The following PLS3 variants were observed in gnomAD, a reference collection of about 807,000 sequenced individuals.
PLS3 encodes the protein plastin-3.
A neutral mutation model predicts 46.5 loss-of-function variants in PLS3; 11 were observed. That is an observed-to-expected ratio of 0.24 (90% CI 0.15 to 0.39). PLS3 has a LOEUF of 0.39. Among genes scored for constraint, PLS3 ranks in the 10% least tolerant of loss-of-function variants. PLS3 has a pLI of 1.00. For missense variants in PLS3, 308 were observed against 461.8 expected (o/e 0.67, Z 3.05); for synonymous variants, 167 against 162.2 (o/e 1.03, Z -0.22).
chrX:115,581,956 C>A (rs925846295), intron 1 of PLS3, among the ~76,000 whole-genome samples: 2 of 111,947 alleles, frequency 1.8e-5, no homozygotes, highest in African/African-American at 6.5e-5. Flanking sequence ...TGATGTGTTA[C>A]TTCCCACTTA....
At chrX:115,576,222 C>G (rs1387820287) in intron 1 of PLS3, among the ~76,000 whole-genome samples, 8 of 111,638 alleles carry the variant, frequency 7.2e-5, no homozygotes, top group African/African-American at 2.6e-4. Context: ...GAGTCTTTAT[C>G]TTTTGACCTT....
At chrX:115,567,905 A>G (rs1556630313) in intron 1 of PLS3, among the ~76,000 whole-genome samples, 1 of 110,638 alleles carries the variant, frequency 9.0e-6, no homozygotes, top group Non-Finnish European at 1.9e-5. Flanking sequence ...TACTTTCTGT[A>G]AAATAAAATT....
At chrX:115,576,504 G>A (rs1326114081) in intron 1 of PLS3, among the ~76,000 whole-genome samples, 2 of 111,880 alleles carry the variant, frequency 1.8e-5, no homozygotes, top group Non-Finnish European at 3.8e-5. Context: ...CCGTGATCAC[G>A]CCTCTGTATT....
intron 1 of PLS3, among the ~76,000 whole-genome samples, chrX:115,567,972 CT>C (rs2074188453): frequency 9.0e-6 from 1 of 111,598 alleles, no homozygotes; most frequent in Admixed American, 9.6e-5. Flanking sequence ...ACATTATAAG[CT>C]CTAATTACAT....
chrX:115,633,710 C>G (rs1556639743), intron 5 of PLS3, among the ~76,000 whole-genome samples: 1 of 110,450 alleles, frequency 9.1e-6, no homozygotes, highest in African/African-American at 3.3e-5. Flanking sequence ...CCAGGCTGGT[C>G]TGGAACTCCT....
At chrX:115,636,205 C>CTTT (rs1403487429) in intron 7 of PLS3, among the ~76,000 whole-genome samples, 12 of 84,158 alleles carry the variant, frequency 1.4e-4, no homozygotes, top group African/African-American at 4.2e-4. Flanking sequence ...AAATCCCTGA[C>CTTT]TTTTTTTTTT....
chrX:115,601,632 TA>T (rs376076599), intron 1 of PLS3, among the ~76,000 whole-genome samples: 2,922 of 106,595 alleles, frequency 0.027, 114 homozygotes, highest in African/African-American at 0.095. Context: ...TAAAGTATAA[TA>T]AAAAAAATAT....
chrX:115,643,342 T>C lies in PLS3; in HGVS notation c.1017T>C (p.Ser339=), dbSNP rs781788552. Residue 339 remains serine, a synonymous_variant, in exon 10 of 16, where the codon AGT becomes AGC. Coordinates refer to ENST00000355899, the MANE Select transcript of PLS3 (RefSeq NM_005032.7). ...CAGATGATTTGAAGAGAGCTGAGAG[T>C]ATGCTTCAACAAGCAGATAAATTAG... ...NETDDLKRAE[S]MLQQADKLGC... 8.3e-7 allele frequency: 1 copy of C among 1,198,923 alleles called. No homozygotes were observed. Among genetic ancestry groups the C allele is most frequent in the Admixed American group, 2.2e-5 (1 of 45,386 alleles).
At chrX:115,623,956 A>G (rs1291544762) in intron 3 of PLS3, among the ~76,000 whole-genome samples, 2 of 112,280 alleles carry the variant, frequency 1.8e-5, no homozygotes, top group African/African-American at 3.2e-5. Context: ...TCGGCCGGGC[A>G]CGGTGGCTCA....
chrX:115,580,503 T>C (rs1488480021), intron 1 of PLS3, among the ~76,000 whole-genome samples: 1 of 112,480 alleles, frequency 8.9e-6, no homozygotes, highest in Non-Finnish European at 1.9e-5. Context: ...CTGGGTTCTC[T>C]TCTGTTCCGT....
At chrX:115,617,941 T>C (rs2074612540) in intron 2 of PLS3, among the ~76,000 whole-genome samples, 1 of 111,602 alleles carries the variant, frequency 9.0e-6, no homozygotes, top group African/African-American at 3.3e-5. Context: ...TTGTTTTTGC[T>C]TTTGAGACAG....
chrX:115,584,486 G>GA (rs782723852), intron 1 of PLS3, among the ~76,000 whole-genome samples: 11 of 112,234 alleles, frequency 9.8e-5, no homozygotes, highest in African/African-American at 1.3e-4. Flanking sequence ...CTTGAATAGG[G>GA]AAAAAATGAC....
At chrX:115,569,142 G>C (rs2074197190) in intron 1 of PLS3, among the ~76,000 whole-genome samples, 1 of 111,282 alleles carries the variant, frequency 9.0e-6, no homozygotes, top group Non-Finnish European at 1.9e-5. Flanking sequence ...TAAAGTATAT[G>C]TCTTGGAAGT....
chrX:115,637,969 G>A (rs782594324), intron 8 of PLS3, among the ~76,000 whole-genome samples: 3 of 111,343 alleles, frequency 2.7e-5, no homozygotes, highest in Admixed American at 9.6e-5. Context: ...TGTTGTGACA[G>A]GGTCTCACTT....
intron 5 of PLS3, among the ~76,000 whole-genome samples, chrX:115,631,915 T>C (rs1556639475): frequency 4.5e-5 from 5 of 110,438 alleles, no homozygotes; most frequent in Non-Finnish European, 9.5e-5. Context: ...GCAATTCTTA[T>C]GCCTCAGCCT....
chrX:115,614,313 T>C (rs1220337587), intron 2 of PLS3: 1 of 750,842 alleles, frequency 1.3e-6, no homozygotes, highest in Non-Finnish European at 1.6e-6. Flanking sequence ...AGGGGAAAAA[T>C]GATGGCCAAA....
chrX:115,583,013 C>G (rs1400313453), intron 1 of PLS3, among the ~76,000 whole-genome samples: 1 of 111,298 alleles, frequency 9.0e-6, no homozygotes, highest in Non-Finnish European at 1.9e-5. Flanking sequence ...GGCACTCAGC[C>G]TGAGTGACAG....
intron 1 of PLS3, among the ~76,000 whole-genome samples, chrX:115,564,466 A>G (rs1421267339): frequency 8.9e-6 from 1 of 112,293 alleles, no homozygotes; most frequent in Non-Finnish European, 1.9e-5. Flanking sequence ...CTAGGGCACT[A>G]TCAGAAACCC....
rs781795549 is a variant in PLS3, at chrX:115,645,086, A to T, written c.1249A>T (p.Asn417Tyr). ...MNSLGVNPHV[N>Y]HLYADLQDAL... ...CTCTCTTGGTGTCAATCCTCACGTA[A>T]ACCATCTCTATGCGTAAGCCTTCCT... The change falls in exon 11 of 16, where the codon AAC becomes TAC. Residue 417 changes from asparagine (N) to tyrosine (Y), a missense_variant. Physicochemically the swap from Asn to Tyr is moderately radical, Grantham distance 143. Around this residue, in one of 2 missense-constraint regions of PLS3, gnomAD observed 271 missense variants for 435.7 expected, o/e 0.62. Transcript: ENST00000355899. The T allele has an allele frequency of 8.6e-7, 1 of 1,162,895 alleles. No individual in the cohort carries two copies.
Sources: allele counts gnomAD v4.1 joint callset (sites outside exome capture counted in the v4.1 genomes callset), GRCh38; gene constraint gnomAD v4.1.1; regional missense constraint gnomAD v4.1.1; transcripts MANE v1.5; gene names NCBI Gene and HGNC (gene_info 2026-07-23, HGNC 2026-07-21).